METTL6: variants seen among roughly 807,000 people sequenced by gnomAD.
METTL6 encodes the protein tRNA N(3)-cytidine methyltransferase METTL6.
A neutral mutation model predicts 26.4 loss-of-function variants in METTL6; 22 were observed. The ratio of observed to expected loss-of-function variants is 0.83; its 90% CI spans 0.59 to 1.19. The LOEUF is 1.19. Ranked by LOEUF, METTL6 falls within the 50% of genes most tolerant of loss-of-function variation. The pLI, the probability that METTL6 is intolerant of heterozygous loss-of-function variation, is 0.00. For synonymous variants in METTL6, 109 were observed against 116.2 expected, an observed-to-expected ratio of 0.94 and a Z score of 0.40; for missense variants, 304 against 324.8, an observed-to-expected ratio of 0.94 and a Z score of 0.49.
At chr3:15,421,789 G>A (rs1010005480) in intron 3 of METTL6, among the ~76,000 whole-genome samples, 5 of 152,236 alleles carry the variant, frequency 3.3e-5, no homozygotes, top group Non-Finnish European at 7.3e-5. Flanking sequence ...GCAAGTGCCT[G>A]TAATCCCAGC....
chr3:15,389,966 A>AG lies in METTL6; in HGVS notation c.*12-5780dup, dbSNP rs1433473859. On this transcript the variant is annotated intron_variant, in intron 6 of 6. Coordinates refer to the METTL6 transcript ENST00000443029. ...CTCTTGGGCTCAAGGGATCCTCCCA[A>AG]GGGAGGCACAGTACTGCCTTACTGG... 6.6e-5 allele frequency among the ~76,000 whole-genome samples: 10 copies of AG among 151,762 alleles called. No individual in the cohort carries two copies. The East Asian group carries it at 1.9e-3, about 29-fold the overall frequency.
intron 5 of METTL6, among the ~76,000 whole-genome samples, chr3:15,412,379 T>C (rs1700005774): frequency 6.6e-6 from 1 of 152,274 alleles, no homozygotes; most frequent in South Asian, 2.1e-4. Flanking sequence ...TGAAGCACTC[T>C]GCAGATATCA....
chr3:15,407,967 A>T (rs1699845648), downstream of METTL6, among the ~76,000 whole-genome samples: 1 of 152,198 alleles, frequency 6.6e-6, no homozygotes. Context: ...ACTAGGAAGC[A>T]AAATCTGTTA....
chr3:15,415,708 G>A, intron 4 of METTL6, 64 bp downstream of exon 4: 3 of 1,597,818 alleles, frequency 1.9e-6, no homozygotes, highest in South Asian at 2.3e-5. Context: ...TGAGCCTCAT[G>A]AGGGAAGGTA....
chr3:15,384,141 C>T (rs1699131704), exon 7 of METTL6: 3 of 400,468 alleles, frequency 7.5e-6, no homozygotes, highest in South Asian at 5.3e-5. Flanking sequence ...AAAAGCACAG[C>T]CAGATATCCT....
downstream of METTL6, among the ~76,000 whole-genome samples, chr3:15,408,266 CATACAGG>C (rs1699854727): frequency 2.0e-5 from 3 of 152,072 alleles, no homozygotes; most frequent in African/African-American, 4.8e-5. Context: ...CTGGACGCGT[CATACAGG>C]TATGTTCACT....
chr3:15,414,185 A>G, intron 4 of METTL6, 23 bp from the exon 5 acceptor site: 1 of 1,590,558 alleles, frequency 6.3e-7, no homozygotes, highest in Non-Finnish European at 8.5e-7. Flanking sequence ...AGCAGGCTGA[A>G]CATGACTTTG....
chr3:15,395,904 CT>C (rs1286308088), intron 6 of METTL6, among the ~76,000 whole-genome samples: 1 of 152,200 alleles, frequency 6.6e-6, no homozygotes, highest in African/African-American at 2.4e-5. Flanking sequence ...GTAATCCGAT[CT>C]TTCTCTCTGG....
At chr3:15,413,516 G>A (rs938745827) in intron 5 of METTL6, among the ~76,000 whole-genome samples, 7 of 152,094 alleles carry the variant, frequency 4.6e-5, no homozygotes, top group African/African-American at 1.7e-4. Context: ...AGGCTGCAGT[G>A]AGCCAAGATC....
chr3:15,411,333 C>T lies in METTL6; in HGVS notation c.778G>A (p.Val260Ile), dbSNP rs752087835. 2 of 1,614,246 alleles carry T rather than the reference C, an allele frequency of 1.2e-6. No individual in the cohort carries two copies. Among genetic ancestry groups the T allele is most frequent in the East Asian group, 2.2e-5 (1 of 44,890 alleles). Residue 260 changes from valine (V) to isoleucine (I), a missense_variant, in exon 6 of 6, where the codon GTT becomes ATT. By Grantham distance (29) the Val-to-Ile change is conservative. Coordinates refer to ENST00000383790, the MANE Select transcript of METTL6 (RefSeq NM_152396.4). Reference protein sequence around the residue: ...NKKEGLCVPRVFLQSKFLKPP... With the variant: ...NKKEGLCVPRIFLQSKFLKPP... ...TTTAGAAATTTGCTCTGAAGGAAAACTCTTGGCACACACAGGCCTTCTTTT... is the reference window on the plus strand; with the variant it reads ...TTTAGAAATTTGCTCTGAAGGAAAATTCTTGGCACACACAGGCCTTCTTTT...
At position 15,411,464 on chromosome 3, in the gene METTL6, A is replaced by G. The variant is rs760044555; in HGVS notation, c.674-27T>C. Reference sequence around the variant, plus strand: ...TGTAAGACAAGCATCAACAATGCTCAACAGTCTTCATAACATTACATTTGC... The same window carrying G: ...TGTAAGACAAGCATCAACAATGCTCGACAGTCTTCATAACATTACATTTGC... On this transcript the variant is annotated intron_variant, in intron 5 of 5. Coordinates refer to ENST00000383790, the MANE Select transcript of METTL6 (RefSeq NM_152396.4). 36 of 1,606,010 alleles carry G rather than the reference A, an allele frequency of 2.2e-5. 1 individual carries two copies. In the Admixed American group the frequency reaches 6.0e-4, roughly 27 times the overall value.
chr3:15,401,613 C>T (rs1054353205), intron 6 of METTL6, among the ~76,000 whole-genome samples: 6 of 150,682 alleles, frequency 4.0e-5, no homozygotes, highest in Admixed American at 1.3e-4. Flanking sequence ...AGACTGGTTG[C>T]GGTAAAGAAG....
In METTL6 at chr3:15,402,388, C is replaced by G. The variant is rs114066234; in HGVS notation, c.*11+8857G>C. Among the ~76,000 whole-genome samples the G allele has an allele frequency of 9.5e-3, 1,448 of 152,166 alleles. 17 individuals are homozygous for G. Among genetic ancestry groups the G allele is most frequent in the African/African-American group, 0.012 (516 of 41,510 alleles). The stretch of plus-strand genomic sequence containing the variant: ...CTATCCTCTTGGGCTGAAGTGATTC[C>G]TGGGTGGGGACCACAGGAACAGCTG... On this transcript the variant is annotated intron_variant, in intron 6 of 6. Transcript: ENST00000443029.
intron 6 of METTL6, among the ~76,000 whole-genome samples, chr3:15,403,045 T>C (rs538999217): frequency 1.6e-4 from 25 of 152,344 alleles, no homozygotes; most frequent in Admixed American, 5.2e-4. Flanking sequence ...AAGCAAGATA[T>C]AGTCTGTTAG....
In METTL6 at chr3:15,424,078, G is replaced by A. The variant is rs369429850; in HGVS notation, c.360+877C>T. ...AAAAATTGTCTCTGCTACTTGAGAG[G>A]CTGAGGTGAAAGAATCGCTTAAGCC... On this transcript the variant is annotated intron_variant, in intron 3 of 5. Transcript: ENST00000383790. Among the ~76,000 whole-genome samples the A allele has an allele frequency of 2.4e-4, 37 of 152,192 alleles. 3 individuals carry two copies. Among genetic ancestry groups the A allele is most frequent in the Admixed American group, 1.2e-3 (19 of 15,290 alleles).
chr3:15,409,310 A>G (rs1306381799), downstream of METTL6, among the ~76,000 whole-genome samples: 2 of 152,222 alleles, frequency 1.3e-5, no homozygotes, highest in Non-Finnish European at 2.9e-5. Flanking sequence ...TACTCAAGAC[A>G]GGGTTCTCAC....
At chr3:15,424,810 T>C in intron 3 of METTL6, 145 bp downstream of exon 3, 4 of 995,516 alleles carry the variant, frequency 4.0e-6, no homozygotes, top group Non-Finnish European at 6.0e-6. Context: ...TGTATATGTA[T>C]GTAAGCAGGA....
At chr3:15,422,190 G>C (rs1474843990) in intron 3 of METTL6, among the ~76,000 whole-genome samples, 1 of 152,082 alleles carries the variant, frequency 6.6e-6, no homozygotes, top group African/African-American at 2.4e-5. Flanking sequence ...GTTGGGTGTG[G>C]TGGTGTGCAT....
upstream of METTL6, chr3:15,427,591 C>G (rs1246743450): frequency 1.8e-5 from 11 of 595,684 alleles, no homozygotes; most frequent in East Asian, 3.0e-5. Context: ...CTTGCCTCCT[C>G]AGATTCCTCT....
Sources: allele counts gnomAD v4.1 joint callset (sites outside exome capture counted in the v4.1 genomes callset), GRCh38; gene constraint gnomAD v4.1.1; transcripts MANE v1.5; gene names NCBI Gene and HGNC (gene_info 2026-07-23, HGNC 2026-07-21).